Variants in DPP10 observed in about 807,000 individuals in gnomAD.
DPP10 encodes inactive dipeptidyl peptidase 10.
In DPP10, 33 loss-of-function variants were observed where a neutral mutation model predicts 120.9. That is an observed-to-expected ratio of 0.27 (90% CI 0.21 to 0.37). The LOEUF is 0.37. DPP10 is among the 10% of genes least tolerant of loss of function. The pLI is 1.00. For synonymous variants in DPP10, 337 were observed against 326.1 expected (o/e 1.03, Z -0.36); for missense variants, 816 against 942.8 (o/e 0.87, Z 1.76).
chr2:115,723,237 C>T (rs996576334), intron 7 of DPP10, among the ~76,000 whole-genome samples: 6 of 152,126 alleles, frequency 3.9e-5, no homozygotes, highest in African/African-American at 1.2e-4. Context: ...GTTTATGTGT[C>T]GGCGAGATTA....
intron 1 of DPP10, among the ~76,000 whole-genome samples, chr2:115,182,609 C>T (rs1375669968): frequency 6.6e-6 from 1 of 152,116 alleles, no homozygotes; most frequent in Non-Finnish European, 1.5e-5. Flanking sequence ...TAAAGGTACT[C>T]CAATGCAAAG....
At chr2:115,728,021 G>A in intron 8 of DPP10, 85 bp downstream of exon 8, 5 of 1,447,162 alleles carry the variant, frequency 3.5e-6, no homozygotes, top group Admixed American at 2.4e-5. Context: ...TCATTCCGGA[G>A]CAATACTTAC....
rs181051515 is a variant in DPP10 at position 115,692,752 on chromosome 2, A to T, written c.576+2831A>T. ...TAAATAGAAATATGTACACCATCATATCATTGTGATAATTATTTTGGAAAA... is the reference window on the plus strand; with the variant it reads ...TAAATAGAAATATGTACACCATCATTTCATTGTGATAATTATTTTGGAAAA... On this transcript the variant is annotated intron_variant, in intron 7 of 25. Coordinates refer to ENST00000410059, the MANE Select transcript of DPP10 (RefSeq NM_020868.6). Among the ~76,000 whole-genome samples, 23 of 152,262 alleles carry T rather than the reference A, an allele frequency of 1.5e-4. 1 individual carries two copies. Among genetic ancestry groups the T allele is most frequent in the Admixed American group, 1.5e-3 (23 of 15,286 alleles).
intron 8 of DPP10, among the ~76,000 whole-genome samples, chr2:115,729,196 G>A (rs2092838499): frequency 6.6e-6 from 1 of 152,164 alleles, no homozygotes; most frequent in Non-Finnish European, 1.5e-5. Flanking sequence ...CATTACTGGA[G>A]GGGACTGGGA....
intron 1 of DPP10, among the ~76,000 whole-genome samples, chr2:114,766,039 G>A (rs890516913): frequency 2.0e-5 from 3 of 151,904 alleles, no homozygotes; most frequent in East Asian, 1.9e-4. Context: ...AATAAGAAAC[G>A]TATTTAGACT....
At chr2:115,068,040 G>A (rs1300548206) in intron 1 of DPP10, among the ~76,000 whole-genome samples, 1 of 151,968 alleles carries the variant, frequency 6.6e-6, no homozygotes, top group Non-Finnish European at 1.5e-5. Context: ...CAGGAATGCA[G>A]ATATCTCTTC....
intron 1 of DPP10, among the ~76,000 whole-genome samples, chr2:114,691,561 C>T (rs1016233424): frequency 4.0e-5 from 6 of 151,884 alleles, no homozygotes; most frequent in South Asian, 2.1e-4. Flanking sequence ...TTTTTGTATC[C>T]GGATGATGCT....
intron 5 of DPP10, among the ~76,000 whole-genome samples, chr2:115,668,741 C>T (rs987773450): frequency 2.6e-5 from 4 of 152,064 alleles, no homozygotes; most frequent in African/African-American, 7.2e-5. Context: ...CAGAGAAGGT[C>T]GTTCTTTCCA....
chr2:115,423,781 G>A (rs1057252779), intron 3 of DPP10, among the ~76,000 whole-genome samples: 1 of 152,146 alleles, frequency 6.6e-6, no homozygotes, highest in Non-Finnish European at 1.5e-5. Flanking sequence ...GAAAGCTACA[G>A]TTGTTTGGTT....
At chr2:114,978,900 A>G (rs1227927803) in intron 1 of DPP10, among the ~76,000 whole-genome samples, 1 of 152,128 alleles carries the variant, frequency 6.6e-6, no homozygotes, top group Non-Finnish European at 1.5e-5. Context: ...TGTAATTCCT[A>G]TCCCTAACAC....
rs560730950 is a variant in DPP10 at position 114,692,030 on chromosome 2, A to G, written c.60+249192A>G. On this transcript the variant is annotated intron_variant, in intron 1 of 25. Coordinates refer to ENST00000410059, the MANE Select transcript of DPP10 (RefSeq NM_020868.6). ...TCTATTTTGTTAATTGTCTCCAAAA[A>G]CCAGCTCCTGGATTCGTTTATTTTT... Among the ~76,000 whole-genome samples the G allele has an allele frequency of 1.6e-4, 24 of 151,982 alleles. No homozygotes were observed. In the South Asian group the frequency reaches 4.8e-3, roughly 30 times the overall value.
chr2:114,932,738 G>A (rs1275271329), intron 1 of DPP10, among the ~76,000 whole-genome samples: 2 of 151,990 alleles, frequency 1.3e-5, no homozygotes, highest in African/African-American at 4.8e-5. Flanking sequence ...TGGTTATACT[G>A]GTGTATTTAG....
intron 1 of DPP10, among the ~76,000 whole-genome samples, chr2:114,893,801 C>T (rs941813167): frequency 1.3e-5 from 2 of 152,152 alleles, no homozygotes; most frequent in Admixed American, 6.6e-5. Context: ...TCATGAGTAA[C>T]GTAGAGTTAA....
intron 5 of DPP10, among the ~76,000 whole-genome samples, chr2:115,548,480 G>A (rs543913271): frequency 9.2e-5 from 14 of 152,032 alleles, no homozygotes; most frequent in African/African-American, 1.7e-4. Flanking sequence ...ACAAGGCCTC[G>A]GCACACACAG....
chr2:114,591,525 A>G (rs1328362564), intron 1 of DPP10, among the ~76,000 whole-genome samples: 1 of 151,084 alleles, frequency 6.6e-6, no homozygotes, highest in African/African-American at 2.4e-5. Context: ...CCAGATTTAG[A>G]AGGCTCAGAA....
chr2:114,535,436 T>A (rs764256664), intron 1 of DPP10, among the ~76,000 whole-genome samples: 1 of 152,220 alleles, frequency 6.6e-6, no homozygotes, highest in Non-Finnish European at 1.5e-5. Context: ...CTTTTTTCCC[T>A]CTAGGTTTAG....
chr2:115,688,253 G>A (rs1029210725), intron 5 of DPP10, among the ~76,000 whole-genome samples: 6 of 152,074 alleles, frequency 3.9e-5, no homozygotes, highest in Non-Finnish European at 7.4e-5. Flanking sequence ...CAAAAGGAGC[G>A]GGAGCATAAA....
intron 1 of DPP10, among the ~76,000 whole-genome samples, chr2:114,828,166 A>G (rs564874165): frequency 6.6e-6 from 1 of 152,298 alleles, no homozygotes; most frequent in South Asian, 2.1e-4. Flanking sequence ...AAACATGGAG[A>G]ACAATGCAAG....
intron 10 of DPP10, chr2:115,749,951 G>C (rs1181315587): frequency 3.1e-6 from 3 of 980,626 alleles, no homozygotes; most frequent in East Asian, 1.1e-4. Context: ...CTGTTGACTT[G>C]AGTGCAATCC....
Sources: gnomAD v4.1 joint callset for allele counts (sites outside exome capture counted in the v4.1 genomes callset) on GRCh38, gnomAD v4.1.1 for gene constraint, MANE v1.5 for transcripts, NCBI Gene and HGNC (gene_info 2026-07-23, HGNC 2026-07-21) for gene names.